The following GATB variants were observed in gnomAD, a reference collection of about 807,000 sequenced individuals.
The protein encoded by GATB is glutamyl-tRNA amidotransferase subunit B.
A neutral mutation model predicts 62.3 loss-of-function variants in GATB; 39 were observed. That is an observed-to-expected ratio of 0.63 (90% confidence interval 0.48 to 0.82). The LOEUF is 0.82. GATB is among the 40% of genes least tolerant of loss of function. The probability of loss-of-function intolerance (pLI) is 0.00; values close to 1 mark genes in which losing one functional copy is unlikely to be tolerated. For synonymous variants in GATB, 276 were observed against 258.9 expected (o/e 1.07, Z -0.63); for missense variants, 670 against 684.0 (o/e 0.98, Z 0.23).
chr4:151,687,997 G>A (rs1738285808), intron 10 of GATB, among the ~76,000 whole-genome samples: 1 of 152,200 alleles, frequency 6.6e-6, no homozygotes, highest in Non-Finnish European at 1.5e-5. Flanking sequence ...AAGAGCTGGT[G>A]ATAAAGGCAG....
Position 151,672,868 on chromosome 4 carries a change from C to T in GATB, c.1439G>A (p.Gly480Asp), listed in dbSNP as rs747377374. Residue 480 changes from glycine to aspartate, a missense_variant, in exon 12 of 13, where the codon GGC (glycine) becomes GAC (aspartate). Physicochemically the swap from Gly to Asp is moderately conservative, Grantham distance 94 (BLOSUM62 -1). Coordinates refer to ENST00000263985, the MANE Select transcript of GATB (RefSeq NM_004564.3). The part of the protein sequence containing the change: ...QVFEELWKRE[G>D]KTPGQIVSEK... ...TGAAACAATCTGCCCTGGAGTCTTG[C>T]CTTCCCTCTTCCACAGTTCCTCAAA... 2 of 1,614,206 alleles carry T rather than the reference C, an allele frequency of 1.2e-6. No individual in the cohort carries two copies. Among genetic ancestry groups the T allele is most frequent in the Non-Finnish European group, 1.7e-6 (2 of 1,180,032 alleles).
Position 151,749,060 on chromosome 4 carries a change from A to G in GATB, c.327+9712T>C, listed in dbSNP as rs377260820. ...ATAGGAACACTTTTACACTGTTGGT[A>G]GGACTGTAAACTAGTTCAACCATTG... On this transcript the variant is annotated intron_variant, in intron 2 of 12. Transcript: ENST00000263985. Among the ~76,000 whole-genome samples, 17 of 152,168 alleles carry G rather than the reference A, an allele frequency of 1.1e-4. No homozygotes were observed. The East Asian group carries it at 1.4e-3, about 12-fold the overall frequency.
At chr4:151,723,562 T>G (rs191212133) in intron 2 of GATB, 1 of 152,256 alleles carries the variant, frequency 6.6e-6, no homozygotes, top group Non-Finnish European at 1.5e-5. Flanking sequence ...AGTTTCTCCC[T>G]CTTTAGATTT....
chr4:151,732,331 G>A (rs1019177883), intron 2 of GATB, among the ~76,000 whole-genome samples: 12 of 152,244 alleles, frequency 7.9e-5, no homozygotes, highest in African/African-American at 2.7e-4. Context: ...CTGTGTCTGT[G>A]TAGAAAGAAG....
chr4:151,677,794 TA>T (rs1738039910), intron 11 of GATB: 1 of 152,066 alleles, frequency 6.6e-6, no homozygotes, highest in Non-Finnish European at 1.5e-5. Context: ...TAAAAATAAA[TA>T]AATAATACAA....
chr4:151,716,644 G>A (rs1738918351), intron 4 of GATB, among the ~76,000 whole-genome samples: 1 of 152,114 alleles, frequency 6.6e-6, no homozygotes, highest in African/African-American at 2.4e-5. Context: ...TGACTAGGTG[G>A]ATAGGTTTGT....
intron 11 of GATB, chr4:151,675,002 C>T (rs982134998): frequency 1.3e-5 from 2 of 152,202 alleles, no homozygotes; most frequent in African/African-American, 4.8e-5. Flanking sequence ...AAGCACACGG[C>T]AGACCCTGAG....
At chr4:151,735,998 T>C (rs1479171939) in intron 2 of GATB, among the ~76,000 whole-genome samples, 3 of 151,560 alleles carry the variant, frequency 2.0e-5, no homozygotes, top group African/African-American at 7.3e-5. Flanking sequence ...CAAATACCAC[T>C]TGTACCCCAA....
At chr4:151,704,399 T>G (rs1186161933) in intron 7 of GATB, among the ~76,000 whole-genome samples, 2 of 151,880 alleles carry the variant, frequency 1.3e-5, no homozygotes, top group African/African-American at 4.8e-5. Flanking sequence ...CTGGGTCACT[T>G]CAAGCCTCCT....
chr4:151,714,903 C>T (rs1039453319), intron 5 of GATB, among the ~76,000 whole-genome samples: 2 of 152,144 alleles, frequency 1.3e-5, no homozygotes, highest in African/African-American at 4.8e-5. Flanking sequence ...ACCTTTATGC[C>T]ACTCAAACTC....
rs1363686221 is a variant in GATB, at chr4:151,698,895, A to G, written c.1197+2434T>C. ...ATTCACCCTTCTTTTTTTTTTTCCA[A>G]TCAAGTTAACCACTACCTCTTGTGG... On this transcript the variant is annotated intron_variant, in intron 9 of 12. Coordinates refer to ENST00000263985, the MANE Select transcript of GATB (RefSeq NM_004564.3). Among the ~76,000 whole-genome samples, 4 of 151,160 alleles carry G rather than the reference A, an allele frequency of 2.6e-5. No homozygotes were observed. The South Asian group carries it at 8.3e-4, about 31-fold the overall frequency.
intron 9 of GATB, among the ~76,000 whole-genome samples, chr4:151,690,229 A>C (rs1738335643): frequency 6.6e-6 from 1 of 152,238 alleles, no homozygotes; most frequent in Admixed American, 6.5e-5. Context: ...CAGAAATTCC[A>C]TAATAATAAA....
intron 9 of GATB, among the ~76,000 whole-genome samples, chr4:151,697,097 A>G (rs1364297550): frequency 6.6e-6 from 1 of 152,228 alleles, no homozygotes; most frequent in African/African-American, 2.4e-5. Context: ...CTACAAATAG[A>G]GCTACCATTC....
At chr4:151,675,164 G>A (rs1737970983) in intron 11 of GATB, 1 of 152,236 alleles carries the variant, frequency 6.6e-6, no homozygotes, top group Non-Finnish European at 1.5e-5. Flanking sequence ...TGCACCTCTA[G>A]GACAGATGCC....
rs183780409 is a variant in GATB, at chr4:151,693,151, A to T, written c.1198-4388T>A. On this transcript the variant is annotated intron_variant, in intron 9 of 12. Transcript: ENST00000263985. ...TGGTCATTCTTATAAAGTGAGAAAA[A>T]CAAAACTCAAATACAACAGCTATGT... Among the ~76,000 whole-genome samples the T allele has an allele frequency of 2.0e-5, 3 of 151,854 alleles. No homozygotes were observed. In the East Asian group the frequency reaches 5.8e-4, roughly 29 times the overall value.
chr4:151,732,681 C>A (rs1739292606), intron 2 of GATB, among the ~76,000 whole-genome samples: 1 of 147,596 alleles, frequency 6.8e-6, no homozygotes, highest in Admixed American at 6.8e-5. Flanking sequence ...CCTGCCAAAT[C>A]CCCCTCTGCG....
chr4:151,702,585 G>T (rs750466780), intron 8 of GATB, among the ~76,000 whole-genome samples: 1 of 152,172 alleles, frequency 6.6e-6, no homozygotes, highest in Non-Finnish European at 1.5e-5. Context: ...GGAGACTCTG[G>T]GGGGAGAGTG....
intron 2 of GATB, among the ~76,000 whole-genome samples, chr4:151,756,318 A>C (rs1739828300): frequency 6.6e-6 from 1 of 152,242 alleles, no homozygotes; most frequent in South Asian, 2.1e-4. Flanking sequence ...CTATCAGAGC[A>C]TGTTTATACA....
intron 2 of GATB, among the ~76,000 whole-genome samples, chr4:151,753,167 G>A (rs1244555539): frequency 6.6e-6 from 1 of 152,114 alleles, no homozygotes; most frequent in Non-Finnish European, 1.5e-5. Flanking sequence ...TCTGACTGGT[G>A]GCCTCAGGGA....
Sources: allele counts gnomAD v4.1 joint callset (sites outside exome capture counted in the v4.1 genomes callset), GRCh38; gene constraint gnomAD v4.1.1; transcripts MANE v1.5; gene names NCBI Gene and HGNC (gene_info 2026-07-23, HGNC 2026-07-21).